The following ROBO1 variants were observed in gnomAD, a reference collection of about 807,000 sequenced individuals.
The protein encoded by ROBO1 is roundabout homolog 1.
In ROBO1, 149 loss-of-function variants were observed where a neutral mutation model predicts 195.9. That is an observed-to-expected ratio of 0.76 (90% confidence interval 0.67 to 0.87). The LOEUF (loss-of-function observed/expected upper bound fraction) is 0.87, where lower values mean the gene tolerates loss of function less well. Among genes scored for constraint, ROBO1 ranks in the 40% least tolerant of loss-of-function variants. The pLI is 0.00. For missense variants in ROBO1, 1,933 were observed against 2,068.3 expected, an observed-to-expected ratio of 0.93 and a Z score of 1.27; for synonymous variants, 816 against 733.2, an observed-to-expected ratio of 1.11 and a Z score of -1.82.
intron 3 of ROBO1, among the ~76,000 whole-genome samples, chr3:79,004,199 GA>G (rs1202943481): frequency 6.6e-6 from 1 of 151,940 alleles, no homozygotes; most frequent in Non-Finnish European, 1.5e-5. Context: ...CAAGACTTTT[GA>G]TTTTTTTTTA....
chr3:79,398,118 C>A (rs114442323), intron 2 of ROBO1, among the ~76,000 whole-genome samples: 5,215 of 152,060 alleles, frequency 0.034, 199 homozygotes, highest in African/African-American at 0.098. Flanking sequence ...CATGTAATTT[C>A]TGCAATTTGA....
intron 2 of ROBO1, among the ~76,000 whole-genome samples, chr3:79,361,299 A>T (rs1224677624): frequency 2.0e-5 from 3 of 152,032 alleles, no homozygotes; most frequent in Non-Finnish European, 4.4e-5. Context: ...TTAACTTTTT[A>T]TTTAAAAAGG....
At chr3:78,643,580 T>C (rs969376885) in intron 21 of ROBO1, among the ~76,000 whole-genome samples, 5 of 152,124 alleles carry the variant, frequency 3.3e-5, no homozygotes, top group Non-Finnish European at 7.4e-5. Context: ...CAGTGGATTG[T>C]AGGGTCTGGC....
At chr3:79,220,976 T>G (rs1305464242) in intron 2 of ROBO1, among the ~76,000 whole-genome samples, 1 of 151,964 alleles carries the variant, frequency 6.6e-6, no homozygotes, top group Non-Finnish European at 1.5e-5. Context: ...TCCCACAACC[T>G]TAACCCTGTA....
intron 4 of ROBO1, among the ~76,000 whole-genome samples, chr3:78,758,210 GT>G (rs1480981318): frequency 6.6e-6 from 1 of 152,070 alleles, no homozygotes; most frequent in African/African-American, 2.4e-5. Context: ...TCCAGTAATT[GT>G]TTTATGTAAT....
intron 3 of ROBO1, among the ~76,000 whole-genome samples, chr3:79,060,062 TA>T (rs1474516933): frequency 6.6e-6 from 1 of 151,986 alleles, no homozygotes; most frequent in Non-Finnish European, 1.5e-5. Flanking sequence ...GTGAGGTCTC[TA>T]AAATGGTCGC....
In ROBO1 at chr3:79,465,596, ATTAT is replaced by A. The variant is rs558463123; in HGVS notation, c.88+124224_88+124227del. On this transcript the variant is annotated intron_variant, in intron 2 of 30. Coordinates refer to ENST00000464233, the MANE Select transcript of ROBO1 (RefSeq NM_002941.4). ...TTAGTCAATTCTTTGAAGTATTCTC[ATTAT>A]TTATCAGTAGATTTTGAGTAAGATG... is the stretch of plus-strand genomic sequence containing the variant. Among the ~76,000 whole-genome samples the A allele has an allele frequency of 1.7e-3, 258 of 152,264 alleles. 2 individuals carry two copies. Among genetic ancestry groups the A allele is most frequent in the African/African-American group, 5.8e-3 (241 of 41,572 alleles).
chr3:78,655,117 G>T (rs773636488), intron 18 of ROBO1, among the ~76,000 whole-genome samples: 6 of 152,070 alleles, frequency 3.9e-5, no homozygotes, highest in Admixed American at 1.3e-4. Flanking sequence ...ATAATCATTG[G>T]TTTTTTTTAA....
At chr3:79,691,814 C>CT (rs1947306250) in intron 1 of ROBO1, among the ~76,000 whole-genome samples, 1 of 151,826 alleles carries the variant, frequency 6.6e-6, no homozygotes, top group Non-Finnish European at 1.5e-5. Context: ...TTGTAATATT[C>CT]TGCTGTATGT....
intron 2 of ROBO1, among the ~76,000 whole-genome samples, chr3:79,226,510 A>G (rs1051184812): frequency 6.6e-6 from 1 of 150,892 alleles, no homozygotes; most frequent in African/African-American, 2.4e-5. Flanking sequence ...TCCACAGAGA[A>G]TCCTTCAACT....
At chr3:79,066,614 A>T (rs2079006907) in intron 3 of ROBO1, among the ~76,000 whole-genome samples, 1 of 151,858 alleles carries the variant, frequency 6.6e-6, no homozygotes, top group African/African-American at 2.4e-5. Context: ...AGGGAAAACG[A>T]TTCTATAGAG....
At chr3:79,202,607 C>CAA (rs1280420799) in intron 2 of ROBO1, among the ~76,000 whole-genome samples, 9 of 99,014 alleles carry the variant, frequency 9.1e-5, no homozygotes, top group Non-Finnish European at 1.3e-4. Flanking sequence ...TCACTCATTT[C>CAA]AAAAAAAAAA....
chr3:78,657,269 C>T lies in ROBO1; in HGVS notation c.2443G>A (p.Val815Ile), dbSNP rs1208437417. Reference protein sequence around the residue: ...TQNGMVQEYKVWCLGNETRYH... With the variant: ...TQNGMVQEYKIWCLGNETRYH... ...CGAGTTTCATTGCCCAGACACCAAA[C>T]CTGTAAGAAGCACATCACAAAAATC... Residue 815 changes from valine (V) to isoleucine (I), a missense_variant and splice_region_variant, in exon 18 of 31, where the codon GTT becomes ATT. This residue lies in a region of ROBO1 where 1,737 missense variants were observed against 1,882.5 expected (regional missense o/e 0.92). Coordinates refer to ENST00000464233, the MANE Select transcript of ROBO1 (RefSeq NM_002941.4). The T allele has an allele frequency of 1.2e-5, 20 of 1,613,292 alleles. No individual in the cohort carries two copies. The highest frequency in any genetic ancestry group is 1.5e-5 in the Non-Finnish European group (18 of 1,179,582).
chr3:79,617,820 C>CAA (rs60181598), intron 1 of ROBO1, among the ~76,000 whole-genome samples: 1,392 of 57,572 alleles, frequency 0.024, 96 homozygotes, highest in African/African-American at 0.078. Flanking sequence ...GACTCTGTCT[C>CAA]AAAAAAAAAA....
chr3:78,755,766 G>A (rs76009901), intron 4 of ROBO1, among the ~76,000 whole-genome samples: 2,146 of 152,220 alleles, frequency 0.014, 22 homozygotes, highest in Non-Finnish European at 0.025. Flanking sequence ...ATCCTTCTAC[G>A]AGGAGGAACA....
At position 78,765,324 on chromosome 3, in the gene ROBO1, G is replaced by A. The variant is rs868418445; in HGVS notation, c.500-18424C>T. Among the ~76,000 whole-genome samples the A allele has an allele frequency of 2.0e-5, 3 of 151,796 alleles. No individual in the cohort carries two copies. In the South Asian group the frequency reaches 6.2e-4, roughly 31 times the overall value. On this transcript the variant is annotated intron_variant, in intron 4 of 30. Transcript: ENST00000464233. ...TCTTCAAAGATTCATTCATTTGTAA[G>A]TCAAGCTTCATAAAAGGATGAAATG...
chr3:79,501,499 GTC>G (rs1212163332), intron 2 of ROBO1, among the ~76,000 whole-genome samples: 1 of 152,166 alleles, frequency 6.6e-6, no homozygotes, highest in East Asian at 1.9e-4. Flanking sequence ...GAAAATGAGT[GTC>G]TCTATGCCAA....
rs2036652248 is a variant in ROBO1 at position 79,383,935 on chromosome 3, G to C, written c.88+205889C>G. Among the ~76,000 whole-genome samples the C allele has an allele frequency of 2.0e-5, 3 of 151,892 alleles. No homozygotes were observed. The South Asian group carries it at 6.2e-4, about 31-fold the overall frequency. On this transcript the variant is annotated intron_variant, in intron 2 of 30. Coordinates refer to ENST00000464233, the MANE Select transcript of ROBO1 (RefSeq NM_002941.4). ...ATATTATACACCAAACTAATAATTTGTGCCATATGCCCTACTTAATTAGTT... is the reference window on the plus strand; with the variant it reads ...ATATTATACACCAAACTAATAATTTCTGCCATATGCCCTACTTAATTAGTT...
At chr3:79,334,092 G>A (rs1258268398) in intron 2 of ROBO1, among the ~76,000 whole-genome samples, 1 of 151,756 alleles carries the variant, frequency 6.6e-6, no homozygotes, top group African/African-American at 2.4e-5. Flanking sequence ...GATCACCTGA[G>A]GTTAGGAGTT....
Sources: gnomAD v4.1 joint callset for allele counts (sites outside exome capture counted in the v4.1 genomes callset) on GRCh38, gnomAD v4.1.1 for gene constraint, gnomAD v4.1.1 regional missense constraint, MANE v1.5 for transcripts, NCBI Gene and HGNC (gene_info 2026-07-23, HGNC 2026-07-21) for gene names.